ADGRL2: variants seen among roughly 807,000 people sequenced by gnomAD.
The protein encoded by ADGRL2 is adhesion G protein-coupled receptor L2.
In ADGRL2, 44 loss-of-function variants were observed where a neutral mutation model predicts 157.4. That is an observed-to-expected ratio of 0.28 (90% CI 0.22 to 0.36). The LOEUF (loss-of-function observed/expected upper bound fraction) is 0.36. Ranked by LOEUF, ADGRL2 falls within the 10% of genes least tolerant of loss-of-function variation. ADGRL2 has a pLI of 1.00. For synonymous variants in ADGRL2, 585 were observed against 624.7 expected (o/e 0.94, Z 0.95); for missense variants, 1,510 against 1,768.9 (o/e 0.85, Z 2.63).
At chr1:81,719,997 T>G (rs958642790) in intron 1 of ADGRL2, among the ~76,000 whole-genome samples, 1 of 152,160 alleles carries the variant, frequency 6.6e-6, no homozygotes, top group Non-Finnish European at 1.5e-5. Flanking sequence ...CAAATCTATT[T>G]TATTGGCATT....
At chr1:81,763,021 C>T (rs1373074562) in intron 2 of ADGRL2, among the ~76,000 whole-genome samples, 1 of 123,826 alleles carries the variant, frequency 8.1e-6, no homozygotes, top group Non-Finnish European at 1.6e-5. Flanking sequence ...GCACTCCAGT[C>T]TGGGTGACAG....
chr1:81,916,847 A>G (rs2094866327), intron 3 of ADGRL2, among the ~76,000 whole-genome samples: 1 of 152,072 alleles, frequency 6.6e-6, no homozygotes, highest in South Asian at 2.1e-4. Context: ...TATTTAATAG[A>G]GAAAACATCT....
chr1:81,676,352 G>A (rs1006869969), intron 3 of ADGRL2, among the ~76,000 whole-genome samples: 2 of 151,884 alleles, frequency 1.3e-5, no homozygotes, highest in Admixed American at 6.6e-5. Context: ...TGCTGCCCAG[G>A]TTGAAGTGCA....
At chr1:81,418,594 A>G (rs2077072029) in intron 1 of ADGRL2, among the ~76,000 whole-genome samples, 1 of 112,026 alleles carries the variant, frequency 8.9e-6, no homozygotes, top group Non-Finnish European at 2.1e-5. Context: ...TACTAAAAAT[A>G]CAAAAAAAAA....
chr1:81,887,353 T>C (rs1366583837), intron 2 of ADGRL2, among the ~76,000 whole-genome samples: 3 of 152,236 alleles, frequency 2.0e-5, no homozygotes, highest in Admixed American at 2.0e-4. Context: ...TTAAAAAGTT[T>C]AGACTAGAGC....
intron 1 of ADGRL2, among the ~76,000 whole-genome samples, chr1:81,379,643 G>A (rs2076310205): frequency 6.6e-6 from 1 of 152,176 alleles, no homozygotes; most frequent in African/African-American, 2.4e-5. Flanking sequence ...ACTTCCTCCC[G>A]GGCGATGGCC....
At chr1:81,916,911 C>T (rs957918882) in intron 3 of ADGRL2, among the ~76,000 whole-genome samples, 13 of 151,568 alleles carry the variant, frequency 8.6e-5, no homozygotes, top group Non-Finnish European at 1.8e-4. Flanking sequence ...AGGTTAGGAA[C>T]ACGATAGCAT....
intron 3 of ADGRL2, among the ~76,000 whole-genome samples, chr1:81,600,906 T>G (rs2081320835): frequency 6.6e-6 from 1 of 152,188 alleles, no homozygotes; most frequent in African/African-American, 2.4e-5. Flanking sequence ...AAGGCTTGGA[T>G]CTATCATCTA....
intron 1 of ADGRL2, among the ~76,000 whole-genome samples, chr1:81,334,422 C>T (rs1354663685): frequency 1.3e-5 from 2 of 152,180 alleles, no homozygotes; most frequent in South Asian, 2.1e-4. Flanking sequence ...TTCTTTTAAA[C>T]ATTTTTCCAA....
At chr1:81,862,490 T>C (rs1166550382) in intron 2 of ADGRL2, among the ~76,000 whole-genome samples, 1 of 152,166 alleles carries the variant, frequency 6.6e-6, no homozygotes, top group Non-Finnish European at 1.5e-5. Flanking sequence ...AGATAACAAA[T>C]AGATCTTGAT....
At chr1:81,319,632 G>A (rs1434947833) in intron 1 of ADGRL2, among the ~76,000 whole-genome samples, 1 of 152,276 alleles carries the variant, frequency 6.6e-6, no homozygotes, top group East Asian at 1.9e-4. Flanking sequence ...CTAGTGAATG[G>A]TTCTATAAAG....
rs539446219 is a variant in ADGRL2, at chr1:81,969,006, G to A, written c.2524-172G>A. Among the ~76,000 whole-genome samples the A allele has an allele frequency of 1.4e-3, 217 of 152,148 alleles. 1 individual carries two copies. The highest frequency in any genetic ancestry group is 0.013 in the South Asian group (65 of 4,824). The stretch of plus-strand genomic sequence containing the variant: ...AGTATAAAAGACAATAATATTGAAC[G>A]CTATTATGTGATCAAAATTTATTTT... On this transcript the variant is annotated intron_variant, in intron 14 of 23. Transcript: ENST00000686636.
intron 8 of ADGRL2, among the ~76,000 whole-genome samples, chr1:81,951,723 AT>A (rs1052471573): frequency 6.6e-6 from 1 of 151,664 alleles, no homozygotes; most frequent in African/African-American, 2.4e-5. Context: ...TTGAGAAAGG[AT>A]TTTTTTTCCT....
At chr1:81,879,898 G>A (rs1278549622) in intron 2 of ADGRL2, among the ~76,000 whole-genome samples, 1 of 152,042 alleles carries the variant, frequency 6.6e-6, no homozygotes, top group African/African-American at 2.4e-5. Context: ...TTGTTGGCAC[G>A]CACCTGTAAT....
intron 2 of ADGRL2, among the ~76,000 whole-genome samples, chr1:81,868,822 T>C (rs709711): frequency 0.13 from 20,011 of 152,112 alleles, 1,434 homozygotes; most frequent in Admixed American, 0.21. Flanking sequence ...TGCACTAGAA[T>C]GTTGGCTCTA....
At position 81,596,582 on chromosome 1, in the gene ADGRL2, G is replaced by A. The variant is rs2081238030; in HGVS notation, c.-143+15602G>A. 2.7e-5 allele frequency: 7 copies of A among 260,352 alleles called. No homozygotes were observed. In the South Asian group the frequency reaches 3.2e-4, roughly 12 times the overall value. The allele number at this position is 260,352 out of a possible 1,614,324, so 16.1% of individuals were successfully genotyped here. ...CGGTGAGTCAGGAGAAGGAGCGGGCGGATCAGAGCTCCGCACCACCTACGA... is the reference window on the plus strand; with the variant it reads ...CGGTGAGTCAGGAGAAGGAGCGGGCAGATCAGAGCTCCGCACCACCTACGA... On this transcript the variant is annotated intron_variant, in intron 3 of 24. Coordinates refer to the ADGRL2 transcript ENST00000370721.
intron 2 of ADGRL2, among the ~76,000 whole-genome samples, chr1:81,839,955 A>ATATATAT (rs1164786609): frequency 1.8e-5 from 2 of 110,072 alleles, no homozygotes; most frequent in Admixed American, 9.0e-5. Flanking sequence ...TATATATATA[A>ATATATAT]ATACACACAA....
At chr1:81,805,692 T>A (rs1201239583) in intron 1 of ADGRL2, among the ~76,000 whole-genome samples, 1 of 150,506 alleles carries the variant, frequency 6.6e-6, no homozygotes, top group African/African-American at 2.4e-5. Flanking sequence ...AGTTTATTTA[T>A]CTGATCCCTT....
rs545098946 is a variant in ADGRL2, at chr1:81,504,202, C to A, written c.-248+59113C>A. ...ACGGACCATTCTCTGGCCGCCCCCC[C>A]AAACCTCATGCTCCCCGCTTGCCCT... is the stretch of plus-strand genomic sequence containing the variant. On this transcript the variant is annotated intron_variant, in intron 2 of 24. Coordinates refer to the ADGRL2 transcript ENST00000370721. Among the ~76,000 whole-genome samples, 19 of 152,278 alleles carry A rather than the reference C, an allele frequency of 1.2e-4. 1 individual carries two copies. In the South Asian group the frequency reaches 3.3e-3, roughly 27 times the overall value.
Sources: allele counts gnomAD v4.1 joint callset (sites outside exome capture counted in the v4.1 genomes callset), GRCh38; gene constraint gnomAD v4.1.1; transcripts MANE v1.5; gene names NCBI Gene and HGNC (gene_info 2026-07-23, HGNC 2026-07-21).